The following OPRL1 variants were observed in gnomAD, a reference collection of about 807,000 sequenced individuals.
OPRL1 encodes the protein opioid related nociceptin receptor 1.
OPRL1 carries 5 observed loss-of-function variants against 15.5 expected under a neutral mutation model. That is an observed-to-expected ratio of 0.32 (90% confidence interval 0.17 to 0.68). The LOEUF (loss-of-function observed/expected upper bound fraction) is 0.68. Ranked by LOEUF, OPRL1 falls within the 30% of genes least tolerant of loss-of-function variation. The pLI, the probability that OPRL1 is intolerant of heterozygous loss-of-function variation, is 0.72. For synonymous variants in OPRL1, 223 were observed against 230.2 expected, an observed-to-expected ratio of 0.97 and a Z score of 0.28; for missense variants, 406 against 515.3, an observed-to-expected ratio of 0.79 and a Z score of 2.05.
At chr20:64,092,563 C>T (rs1481779004) in intron 2 of OPRL1, 125 bp from the exon 3 acceptor site, 2 of 658,360 alleles carry the variant, frequency 3.0e-6, no homozygotes, top group Non-Finnish European at 5.2e-6. Context: ...GCCCGTGTGC[C>T]TCAGTGTCTG....
In OPRL1 at chr20:64,092,672, C is replaced by A; in HGVS notation, c.-33-16C>A. 6.4e-7 allele frequency: 1 copy of A among 1,565,736 alleles called. No individual in the cohort carries two copies. The highest frequency in any genetic ancestry group is 8.7e-7 in the Non-Finnish European group (1 of 1,145,980). ...TGTCTGGCACTGCAGCCACTTGTCT[C>A]TGCGCTCTGTCCCAGGTACCGTACA... On this transcript the variant is annotated splice_polypyrimidine_tract_variant and intron_variant, in intron 2 of 4. Transcript: ENST00000336866.
Position 64,089,087 on chromosome 20 carries a change from C to T in OPRL1, c.-184-2879C>T, listed in dbSNP as rs1404754182. On this transcript the variant is annotated intron_variant, in intron 1 of 4. Coordinates refer to ENST00000336866, the MANE Select transcript of OPRL1 (RefSeq NM_182647.4). The surrounding 1 kb of genome is among the most constrained non-coding windows in gnomAD (Gnocchi z 5.5). ...CTATGTGGGTGGGGGGCAGGTTCTG[C>T]GCAGGGGGCCTAGGCTGTTCAGCAT... is the stretch of plus-strand genomic sequence containing the variant. 2.3e-5 allele frequency among the ~76,000 whole-genome samples: 3 copies of T among 132,836 alleles called. No homozygotes were observed. Among genetic ancestry groups the T allele is most frequent in the Non-Finnish European group, 3.2e-5 (2 of 63,160 alleles). The allele number at this position is 132,836 out of a possible 152,430, so 87.1% of individuals were successfully genotyped here.
At position 64,097,877 on chromosome 20, in the gene OPRL1, G is replaced by A. The variant is rs200646858; in HGVS notation, c.309G>A (p.Thr103=). 46 of 1,613,556 alleles carry A rather than the reference G, an allele frequency of 2.9e-5. No homozygotes were observed. In the East Asian group the frequency reaches 3.8e-4, roughly 13 times the overall value. ...TGGCCGACACTCTGGTCCTGCTGAC[G>A]CTGCCCTTCCAGGGCACGGACATCC... ...LALADTLVLL[T]LPFQGTDILL... is the part of the protein sequence containing the mutation. Residue 103 remains threonine, a synonymous_variant, in exon 4 of 5, where the codon ACG becomes ACA. Transcript: ENST00000336866. The surrounding 1 kb of genome is among the most constrained non-coding windows in gnomAD (Gnocchi z 4.2).
chr20:64,092,407 G>A (rs559578691), intron 2 of OPRL1, among the ~76,000 whole-genome samples: 1 of 152,296 alleles, frequency 6.6e-6, no homozygotes, highest in East Asian at 1.9e-4. Context: ...GGCACCCTGT[G>A]TGTGAGTCTC....
intron 1 of OPRL1, among the ~76,000 whole-genome samples, chr20:64,082,197 T>C (rs1453837673): frequency 6.6e-6 from 1 of 152,144 alleles, no homozygotes; most frequent in African/African-American, 2.4e-5. Context: ...CTGGACAGAC[T>C]GCCTCCCTTC....
intron 3 of OPRL1, among the ~76,000 whole-genome samples, chr20:64,096,144 G>C (rs1979086165): frequency 6.6e-6 from 1 of 152,118 alleles, no homozygotes; most frequent in South Asian, 2.1e-4. Context: ...TTCCTGATAT[G>C]ATCGCTTCTC....
In OPRL1 at chr20:64,089,138, C is replaced by T. The variant is rs571454539; in HGVS notation, c.-184-2828C>T. On this transcript the variant is annotated intron_variant, in intron 1 of 4. Coordinates refer to ENST00000336866, the MANE Select transcript of OPRL1 (RefSeq NM_182647.4). The surrounding 1 kb of genome is among the most constrained non-coding windows in gnomAD (Gnocchi z 5.5). The stretch of plus-strand genomic sequence containing the variant: ...GCCAGGGTCTGTGCTGGGGGTTTGC[C>T]GCAGGCACAAGGGAGGGAGAAGCTG... 6.6e-6 allele frequency among the ~76,000 whole-genome samples: 1 copy of T among 152,144 alleles called. No homozygotes were observed.
intron 3 of OPRL1, 60 bp downstream of exon 3, chr20:64,093,013 T>A (rs1178468004): frequency 6.9e-7 from 1 of 1,457,932 alleles, no homozygotes. Flanking sequence ...AGGGGGAAAC[T>A]GAGACGGGGT....
rs1372285900 is a variant in OPRL1, at chr20:64,083,114, T to G, written c.-185+2762T>G. Among the ~76,000 whole-genome samples the G allele has an allele frequency of 6.6e-6, 1 of 152,140 alleles. No individual in the cohort carries two copies. Among genetic ancestry groups the G allele is most frequent in the Non-Finnish European group, 1.5e-5 (1 of 68,024 alleles). On this transcript the variant is annotated intron_variant, in intron 1 of 4. Transcript: ENST00000336866. The surrounding 1 kb of genome is among the most constrained non-coding windows in gnomAD (Gnocchi z 4.9). ...GGGGGTGACTTCTGCTGAAACAGGC[T>G]CTTTCTCCGTCCTCCCCAAGACTGG...
chr20:64,087,592 C>T (rs1466635568), intron 1 of OPRL1, among the ~76,000 whole-genome samples: 4 of 88,206 alleles, frequency 4.5e-5, no homozygotes, highest in Admixed American at 2.5e-4. Flanking sequence ...CGCGTGTCAT[C>T]GTTCGTGTCT....
Position 64,097,906 on chromosome 20 carries a change from T to C in OPRL1, c.338T>C (p.Leu113Pro). 6.2e-7 allele frequency: 1 copy of C among 1,613,658 alleles called. No homozygotes were observed. The highest frequency in any genetic ancestry group is 8.5e-7 in the Non-Finnish European group (1 of 1,180,016). The change falls in exon 4 of 5, where the codon CTG becomes CCG. Residue 113 changes from leucine (L) to proline (P), a missense_variant. By Grantham distance (98) the Leu-to-Pro change is moderately conservative (BLOSUM62 -3). Coordinates refer to ENST00000336866, the MANE Select transcript of OPRL1 (RefSeq NM_182647.4). The surrounding 1 kb of genome is among the most constrained non-coding windows in gnomAD (Gnocchi z 4.2). ...CCCTTCCAGGGCACGGACATCCTCC[T>C]GGGCTTCTGGCCGTTTGGGAATGCG... ...TLPFQGTDIL[L>P]GFWPFGNALC...
chr20:64,097,808 C>A lies in OPRL1; in HGVS notation c.240C>A (p.Thr80=), dbSNP rs764059522. ...CLVMYVILRH[T]KMKTATNIYI... is the part of the protein sequence containing the mutation. ...TTCTCCCTCTACTCCGCAGGCACACCAAAATGAAGACAGCCACCAATATTT... is the reference window on the plus strand; with the variant it reads ...TTCTCCCTCTACTCCGCAGGCACACAAAAATGAAGACAGCCACCAATATTT... The change falls in exon 4 of 5, where the codon ACC becomes ACA. Residue 80 remains threonine, a synonymous_variant. Coordinates refer to ENST00000336866, the MANE Select transcript of OPRL1 (RefSeq NM_182647.4). This position sits in a 1 kb window ranked among gnomAD's most constrained non-coding sequence, Gnocchi z 4.2. The A allele has an allele frequency of 6.2e-7, 1 of 1,611,240 alleles. No individual in the cohort carries two copies. The highest frequency in any genetic ancestry group is 1.3e-5 in the African/African-American group (1 of 74,898).
At chr20:64,080,851 G>C (rs575430491) in intron 1 of OPRL1, among the ~76,000 whole-genome samples, 1 of 152,184 alleles carries the variant, frequency 6.6e-6, no homozygotes, top group South Asian at 2.1e-4. Flanking sequence ...TTCATAAAAT[G>C]CCTTCCAGTT....
intron 1 of OPRL1, among the ~76,000 whole-genome samples, chr20:64,087,901 C>G (rs2060066546): frequency 1.3e-5 from 2 of 152,204 alleles, no homozygotes; most frequent in Admixed American, 6.5e-5. Flanking sequence ...GCCATTTCAT[C>G]TGCACCACCA....
rs1169270995 is a variant in OPRL1 at position 64,083,339 on chromosome 20, G to C, written c.-185+2987G>C. Reference sequence around the variant, plus strand: ...GCGTCCATACTCCCCGCTTCCCTCGGGGTCCTGGGGAGTGGCAGCAAAAAG... The same window carrying C: ...GCGTCCATACTCCCCGCTTCCCTCGCGGTCCTGGGGAGTGGCAGCAAAAAG... On this transcript the variant is annotated intron_variant, in intron 1 of 4. Transcript: ENST00000336866. The surrounding 1 kb of genome is among the most constrained non-coding windows in gnomAD (Gnocchi z 4.9). 7 of 1,569,530 alleles carry C rather than the reference G, an allele frequency of 4.5e-6. No individual in the cohort carries two copies. The African/African-American group carries it at 8.1e-5, about 18-fold the overall frequency.
Position 64,081,660 on chromosome 20 carries a change from G to A in OPRL1, c.-185+1308G>A, listed in dbSNP as rs533857096. On this transcript the variant is annotated intron_variant, in intron 1 of 4. Transcript: ENST00000336866. ...GGGATTTGAACCCAGGACCCTCTGC[G>A]CCCTGACAGCCCTCAATATATTGGG... is the stretch of plus-strand genomic sequence containing the variant. Among the ~76,000 whole-genome samples, 13 of 152,298 alleles carry A rather than the reference G, an allele frequency of 8.5e-5. No individual in the cohort carries two copies. In the South Asian group the frequency reaches 2.3e-3, roughly 27 times the overall value.
chr20:64,085,467 G>A (rs2060037256), intron 1 of OPRL1, among the ~76,000 whole-genome samples: 1 of 152,166 alleles, frequency 6.6e-6, no homozygotes, highest in South Asian at 2.1e-4. Flanking sequence ...TTGGGTCCTA[G>A]ATACTAGATT....
At chr20:64,092,356 C>T (rs1474926203) in intron 2 of OPRL1, among the ~76,000 whole-genome samples, 1 of 152,146 alleles carries the variant, frequency 6.6e-6, no homozygotes, top group Non-Finnish European at 1.5e-5. Flanking sequence ...GTTCATCAGT[C>T]CCTGTGGGTG....
chr20:64,098,576 C>T lies in OPRL1; in HGVS notation c.890C>T (p.Ala297Val). Residue 297 changes from alanine (A) to valine (V), a missense_variant, in exon 5 of 5, where the codon GCC (alanine) becomes GTC (valine). Transcript: ENST00000336866. ...GGGGTTCAGCCGAGCAGCGAGACTGCCGTGGCCATTCTGCGCTTCTGCACG... is the reference window on the plus strand; with the variant it reads ...GGGGTTCAGCCGAGCAGCGAGACTGTCGTGGCCATTCTGCGCTTCTGCACG... ...GLGVQPSSET[A>V]VAILRFCTAL... The T allele has an allele frequency of 2.5e-6, 4 of 1,612,788 alleles. No individual in the cohort carries two copies. Among genetic ancestry groups the T allele is most frequent in the Non-Finnish European group, 3.4e-6 (4 of 1,179,974 alleles).
Sources: gnomAD v4.1 joint callset for allele counts (sites outside exome capture counted in the v4.1 genomes callset) on GRCh38, gnomAD v4.1.1 for gene constraint, Gnocchi (gnomAD v3.1) non-coding constraint, MANE v1.5 for transcripts, NCBI Gene and HGNC (gene_info 2026-07-23, HGNC 2026-07-21) for gene names.